Variants in FOXN3 observed in about 807,000 individuals in gnomAD.
FOXN3 encodes forkhead box N3.
A neutral mutation model predicts 38.4 loss-of-function variants in FOXN3; 7 were observed. The observed-to-expected ratio is 0.18, with a 90% CI of 0.10 to 0.34. The LOEUF (loss-of-function observed/expected upper bound fraction) is 0.34, where lower values mean the gene tolerates loss of function less well. Ranked by LOEUF, FOXN3 falls within the 10% of genes least tolerant of loss-of-function variation. The probability of loss-of-function intolerance (pLI) is 1.00; values close to 1 mark genes in which losing one functional copy is unlikely to be tolerated. For synonymous variants in FOXN3, 230 were observed against 242.2 expected, an observed-to-expected ratio of 0.95 and a Z score of 0.47; for missense variants, 456 against 613.4, an observed-to-expected ratio of 0.74 and a Z score of 2.71.
At chr14:89,335,079 A>T (rs1255462023) in intron 3 of FOXN3, among the ~76,000 whole-genome samples, 16 of 3,668 alleles carry the variant, frequency 4.4e-3, no homozygotes, top group South Asian at 0.039. Context: ...TTTTCATATC[A>T]CACACACACA....
chr14:89,360,777 A>AGCACCACCACCT (rs1889500671), intron 2 of FOXN3, among the ~76,000 whole-genome samples: 1 of 85,092 alleles, frequency 1.2e-5, no homozygotes, highest in African/African-American at 5.2e-5. Context: ...TACCACCTCC[A>AGCACCACCACCT]CCACCACCTC....
intron 5 of FOXN3, among the ~76,000 whole-genome samples, chr14:89,179,973 GA>G (rs1361196213): frequency 6.6e-6 from 1 of 152,394 alleles, no homozygotes; most frequent in East Asian, 1.9e-4. Context: ...CAGACAGCTA[GA>G]GGGGCACGGA....
intron 1 of FOXN3, among the ~76,000 whole-genome samples, chr14:89,542,956 C>G (rs1457591828): frequency 6.6e-6 from 1 of 152,182 alleles, no homozygotes; most frequent in African/African-American, 2.4e-5. Context: ...AGAAGCAAAA[C>G]AATGGGGCTG....
At chr14:89,556,681 A>G (rs1895133983) in intron 1 of FOXN3, among the ~76,000 whole-genome samples, 1 of 152,224 alleles carries the variant, frequency 6.6e-6, no homozygotes, top group Admixed American at 6.5e-5. Flanking sequence ...AGAGAAAGGT[A>G]ACAAGTCATG....
intron 1 of FOXN3, among the ~76,000 whole-genome samples, chr14:89,597,547 G>A (rs535353039): frequency 1.3e-5 from 2 of 152,216 alleles, no homozygotes; most frequent in Admixed American, 6.5e-5. Context: ...TTACTGAGAG[G>A]TGTTTTAAAA....
chr14:89,385,136 G>A (rs1206709671), intron 2 of FOXN3, among the ~76,000 whole-genome samples: 1 of 152,066 alleles, frequency 6.6e-6, no homozygotes, highest in South Asian at 2.1e-4. Flanking sequence ...TACTGCATTT[G>A]TCTATTTTCA....
At chr14:89,489,149 C>G (rs1039958054) in intron 1 of FOXN3, among the ~76,000 whole-genome samples, 1 of 152,148 alleles carries the variant, frequency 6.6e-6, no homozygotes, top group Non-Finnish European at 1.5e-5. Context: ...CTTTGCCACT[C>G]AAATTTCTGA....
At chr14:89,436,012 A>AT (rs78515416) in intron 1 of FOXN3, among the ~76,000 whole-genome samples, 99,425 of 147,856 alleles carry the variant, frequency 0.67, 33,793 homozygotes, top group Middle Eastern at 0.79. Context: ...TTTCTTTATT[A>AT]TTTTTTTTTT....
intron 1 of FOXN3, among the ~76,000 whole-genome samples, chr14:89,480,507 C>T (rs1047658182): frequency 6.6e-6 from 1 of 151,966 alleles, no homozygotes; most frequent in East Asian, 1.9e-4. Context: ...TGTCTCAAAG[C>T]ATCAGACTCC....
chr14:89,479,072 T>C (rs764825860), intron 1 of FOXN3, among the ~76,000 whole-genome samples: 1 of 152,040 alleles, frequency 6.6e-6, no homozygotes. Flanking sequence ...ATCCCAATCA[T>C]GCAGCTGAAA....
At chr14:89,457,169 C>T (rs1856554871) in intron 1 of FOXN3, among the ~76,000 whole-genome samples, 1 of 152,188 alleles carries the variant, frequency 6.6e-6, no homozygotes, top group Non-Finnish European at 1.5e-5. Context: ...CAATGGTTCT[C>T]CTGTCTCTCC....
At chr14:89,311,221 G>A (rs566278648) in intron 3 of FOXN3, among the ~76,000 whole-genome samples, 1 of 151,652 alleles carries the variant, frequency 6.6e-6, no homozygotes, top group African/African-American at 2.4e-5. Flanking sequence ...CCGGTGCGGT[G>A]GCTCATACCT....
chr14:89,498,500 C>T (rs1251293657), intron 1 of FOXN3, among the ~76,000 whole-genome samples: 1 of 152,082 alleles, frequency 6.6e-6, no homozygotes, highest in Non-Finnish European at 1.5e-5. Flanking sequence ...GGATTACAGG[C>T]GTGAGCCACC....
chr14:89,499,622 C>T (rs1893755518), intron 1 of FOXN3, among the ~76,000 whole-genome samples: 1 of 152,034 alleles, frequency 6.6e-6, no homozygotes, highest in African/African-American at 2.4e-5. Context: ...GCAAAAGACA[C>T]TCAAAATGGA....
chr14:89,432,200 A>T (rs538906511), intron 1 of FOXN3, among the ~76,000 whole-genome samples: 38 of 152,322 alleles, frequency 2.5e-4, no homozygotes, highest in African/African-American at 8.9e-4. Flanking sequence ...ACTAAGCCAA[A>T]TGTCCCATCT....
intron 3 of FOXN3, among the ~76,000 whole-genome samples, chr14:89,337,475 G>T (rs1888496241): frequency 6.6e-6 from 1 of 152,088 alleles, no homozygotes; most frequent in African/African-American, 2.4e-5. Flanking sequence ...TTATGACTGG[G>T]GCAGGGAGAG....
chr14:89,281,068 T>C, intron 3 of FOXN3, 54 bp from the exon 4 acceptor site: 1 of 1,467,954 alleles, frequency 6.8e-7, no homozygotes, highest in Middle Eastern at 1.7e-4. Context: ...CTCACACACC[T>C]GCAACCCCTT....
intron 1 of FOXN3, among the ~76,000 whole-genome samples, chr14:89,528,843 C>G (rs1894492999): frequency 6.6e-6 from 1 of 152,040 alleles, no homozygotes; most frequent in South Asian, 2.1e-4. Context: ...TAGTTGTTGC[C>G]TGCATACTTG....
Position 89,411,941 on chromosome 14 carries a change from C to A in FOXN3, c.536G>T (p.Arg179Met). 1 of 1,480,770 alleles carries A rather than the reference C, an allele frequency of 6.8e-7. No individual in the cohort carries two copies. Among genetic ancestry groups the A allele is most frequent in the Non-Finnish European group, 9.0e-7 (1 of 1,106,656 alleles). 91.7% of individuals were successfully genotyped at this position (1,480,770 alleles called of 1,614,324 possible). A position where few individuals can be genotyped will look rare whatever the true frequency, so the allele number is the denominator to read the frequency against. ...NKCFKKVDKE[R>M]SQSIGKGSLW... ...CCAGACACAGAGGCTTACCTGACTC[C>A]TCTCTTTGTCCACTTTCTTAAAACA... The change falls in exon 2 of 6, where the codon AGG (arginine) becomes ATG (methionine). Residue 179 changes from arginine (R) to methionine (M), a missense_variant. Physicochemically the swap from Arg to Met is moderately conservative, Grantham distance 91. Coordinates refer to ENST00000557258, the MANE Select transcript of FOXN3 (RefSeq NM_005197.4).
Sources: gnomAD v4.1 joint callset for allele counts (sites outside exome capture counted in the v4.1 genomes callset) on GRCh38, gnomAD v4.1.1 for gene constraint, MANE v1.5 for transcripts, NCBI Gene and HGNC (gene_info 2026-07-23, HGNC 2026-07-21) for gene names.